Variants in ATXN1 observed in about 807,000 individuals in gnomAD.
ATXN1 encodes ataxin 1, also known as ataxin-1.
In ATXN1, 8 loss-of-function variants were observed where a neutral mutation model predicts 56.4. The ratio of observed to expected loss-of-function variants is 0.14; its 90% CI spans 0.08 to 0.26. The LOEUF is 0.26. Among genes scored for constraint, ATXN1 ranks in the 10% least tolerant of loss-of-function variants. The probability of loss-of-function intolerance (pLI) is 1.00; values close to 1 mark genes in which losing one functional copy is unlikely to be tolerated. For synonymous variants in ATXN1, 514 were observed against 494.6 expected (o/e 1.04, Z -0.52); for missense variants, 987 against 1,106.5 (o/e 0.89, Z 1.53).
chr6:16,671,237 A>T (rs766253443), intron 2 of ATXN1, among the ~76,000 whole-genome samples: 66 of 152,056 alleles, frequency 4.3e-4, no homozygotes, highest in Middle Eastern at 3.4e-3. Context: ...TCTGCTATGG[A>T]TCATGCCTTT....
intron 6 of ATXN1, among the ~76,000 whole-genome samples, chr6:16,337,246 C>A (rs770894839): frequency 2.4e-4 from 37 of 152,250 alleles, no homozygotes; most frequent in Non-Finnish European, 4.4e-4. Flanking sequence ...TCGTAGTGAG[C>A]AGATGACAGT....
intron 6 of ATXN1, among the ~76,000 whole-genome samples, chr6:16,448,354 C>T (rs1759675624): frequency 6.6e-6 from 1 of 152,152 alleles, no homozygotes; most frequent in Admixed American, 6.5e-5. Flanking sequence ...TTCCCTCGCC[C>T]CTCTGATTCT....
At chr6:16,398,397 A>G (rs922668549) in intron 6 of ATXN1, among the ~76,000 whole-genome samples, 3 of 152,218 alleles carry the variant, frequency 2.0e-5, no homozygotes, top group African/African-American at 7.2e-5. Flanking sequence ...TTTAAATTCA[A>G]ATAGAAGTAA....
intron 4 of ATXN1, among the ~76,000 whole-genome samples, chr6:16,576,695 G>T (rs1762428184): frequency 6.6e-6 from 1 of 152,140 alleles, no homozygotes; most frequent in Non-Finnish European, 1.5e-5. Context: ...AGAGCATACA[G>T]CAGAGGCACA....
intron 3 of ATXN1, among the ~76,000 whole-genome samples, chr6:16,613,691 T>C (rs1190586296): frequency 1.3e-5 from 2 of 151,840 alleles, no homozygotes; most frequent in Non-Finnish European, 2.9e-5. Context: ...GAGCCAGGCA[T>C]AGTGGCATGC....
At chr6:16,357,664 G>A (rs1761719795) in intron 6 of ATXN1, among the ~76,000 whole-genome samples, 1 of 152,156 alleles carries the variant, frequency 6.6e-6, no homozygotes. Context: ...GGCTCCCCGT[G>A]CAGAAGACTG....
intron 6 of ATXN1, among the ~76,000 whole-genome samples, chr6:16,390,623 C>T (rs1262923402): frequency 1.5e-4 from 22 of 151,464 alleles, no homozygotes; most frequent in African/African-American, 4.4e-4. Flanking sequence ...GTGGTAGTGG[C>T]GTTAATCCAT....
At chr6:16,610,705 G>C (rs1271090681) in intron 3 of ATXN1, among the ~76,000 whole-genome samples, 1 of 152,092 alleles carries the variant, frequency 6.6e-6, no homozygotes, top group African/African-American at 2.4e-5. Context: ...AAGAAAAGGG[G>C]TAGTTGTGCT....
rs559180551 is a variant in ATXN1 at position 16,628,742 on chromosome 6, T to G, written c.-489+29034A>C. 5.1e-3 allele frequency among the ~76,000 whole-genome samples: 781 copies of G among 152,344 alleles called. 15 individuals carry two copies. Among genetic ancestry groups the G allele is most frequent in the African/African-American group, 0.018 (748 of 41,582 alleles). On this transcript the variant is annotated intron_variant, in intron 3 of 7. Coordinates refer to ENST00000436367, the MANE Select transcript of ATXN1 (RefSeq NM_001128164.2). ...TTTAGTTTTTTGTTCCTGTGATAGTTTGCTAAGGATAATGGCCTCCAGCTC... is the reference window on the plus strand; with the variant it reads ...TTTAGTTTTTTGTTCCTGTGATAGTGTGCTAAGGATAATGGCCTCCAGCTC...
intron 6 of ATXN1, among the ~76,000 whole-genome samples, chr6:16,478,039 C>T (rs1760361887): frequency 6.6e-6 from 1 of 152,196 alleles, no homozygotes; most frequent in Non-Finnish European, 1.5e-5. Flanking sequence ...CAGCACGTTG[C>T]TAGGACAACT....
intron 6 of ATXN1, among the ~76,000 whole-genome samples, chr6:16,415,012 G>T (rs1318436160): frequency 6.6e-6 from 1 of 151,958 alleles, no homozygotes; most frequent in Non-Finnish European, 1.5e-5. Context: ...TTGTACCAAG[G>T]GCCCAGAAAA....
intron 6 of ATXN1, among the ~76,000 whole-genome samples, chr6:16,367,667 A>C (rs578245966): frequency 6.6e-6 from 1 of 152,034 alleles, no homozygotes; most frequent in South Asian, 2.1e-4. Context: ...AGGTAGACAC[A>C]TTGCTGCCCA....
At position 16,760,479 on chromosome 6, in the gene ATXN1, G is replaced by C. The variant is rs867587887; in HGVS notation, c.-730+819C>G. 6.6e-6 allele frequency among the ~76,000 whole-genome samples: 1 copy of C among 150,576 alleles called. No individual in the cohort carries two copies. Among genetic ancestry groups the C allele is most frequent in the East Asian group, 2.0e-4 (1 of 5,010 alleles). ...CCAACAGGGCGGCGGTGGCGGCGGC[G>C]GCCAGGGCCGTCACCGCCACTCCAG... On this transcript the variant is annotated intron_variant, in intron 1 of 7. Transcript: ENST00000436367. This position sits in a 1 kb window ranked among gnomAD's most constrained non-coding sequence, Gnocchi z 5.3.
chr6:16,712,428 G>A (rs1050611839), intron 2 of ATXN1, among the ~76,000 whole-genome samples: 1 of 152,136 alleles, frequency 6.6e-6, no homozygotes, highest in Non-Finnish European at 1.5e-5. Context: ...GGGGAAGAAC[G>A]GTGGTCTGCT....
intron 5 of ATXN1, among the ~76,000 whole-genome samples, chr6:16,498,901 G>C (rs554136284): frequency 6.6e-6 from 1 of 152,254 alleles, no homozygotes; most frequent in African/African-American, 2.4e-5. Context: ...CCAGAAACTA[G>C]ACCCTTATGA....
At chr6:16,395,281 A>AAAAAAAAAAAAAAAC in intron 6 of ATXN1, among the ~76,000 whole-genome samples, 1 of 151,256 alleles carries the variant, frequency 6.6e-6, no homozygotes, top group African/African-American at 2.4e-5. Context: ...AAAAAAAAAA[A>AAAAAAAAAAAAAAAC]AAAAAAAAAA....
intron 6 of ATXN1, among the ~76,000 whole-genome samples, chr6:16,343,206 G>T (rs560729719): frequency 6.6e-6 from 1 of 152,106 alleles, no homozygotes; most frequent in Non-Finnish European, 1.5e-5. Context: ...TTAGCCGGGC[G>T]TGGTGGTGGG....
intron 2 of ATXN1, 156 bp downstream of exon 2, chr6:16,753,077 G>C (rs1760772180): frequency 2.9e-6 from 1 of 346,032 alleles, no homozygotes; most frequent in Admixed American, 3.9e-5. Context: ...AAACAATCTT[G>C]GCAATTTCTC....
chr6:16,673,550 C>T (rs1467675666), intron 2 of ATXN1, among the ~76,000 whole-genome samples: 3 of 152,168 alleles, frequency 2.0e-5, no homozygotes, highest in South Asian at 2.1e-4. Flanking sequence ...TCAACTCCAG[C>T]ACTATTAACA....
Sources: gnomAD v4.1 joint callset for allele counts (sites outside exome capture counted in the v4.1 genomes callset) on GRCh38, gnomAD v4.1.1 for gene constraint, Gnocchi (gnomAD v3.1) non-coding constraint, MANE v1.5 for transcripts, NCBI Gene and HGNC (gene_info 2026-07-23, HGNC 2026-07-21) for gene names.